PRKCA: variants seen among roughly 807,000 people sequenced by gnomAD.
PRKCA encodes protein kinase C alpha.
PRKCA carries 27 observed loss-of-function variants against 87.0 expected under a neutral mutation model. The observed-to-expected ratio is 0.31, with a 90% CI of 0.23 to 0.43. The LOEUF (loss-of-function observed/expected upper bound fraction) is 0.43, where lower values mean the gene tolerates loss of function less well. PRKCA is among the 20% of genes least tolerant of loss of function. The pLI is 1.00. For synonymous variants in PRKCA, 329 were observed against 311.1 expected (o/e 1.06, Z -0.61); for missense variants, 518 against 852.3 (o/e 0.61, Z 4.88).
At chr17:66,591,483 C>G (rs779770242) in intron 3 of PRKCA, among the ~76,000 whole-genome samples, 2 of 152,106 alleles carry the variant, frequency 1.3e-5, no homozygotes, top group Non-Finnish European at 2.9e-5. Context: ...TTAATACTTA[C>G]AAGGAAACTG....
rs1976091584 is a variant in PRKCA at position 66,808,512 on chromosome 17, G to GAC, written c.*4475_*4476insAC. ...CCTGTTTCTTTATAACCCGACAAGGGTAGGAGTGCCTGTTTCCCCTGCTGG... is the reference window on the plus strand; with the variant it reads ...CCTGTTTCTTTATAACCCGACAAGGGACTAGGAGTGCCTGTTTCCCCTGCTGG... On this transcript the variant is annotated 3_prime_UTR_variant, in exon 17 of 17. Transcript: ENST00000413366. 1 of 152,312 alleles carries GAC rather than the reference G, an allele frequency of 6.6e-6. No homozygotes were observed. Among genetic ancestry groups the GAC allele is most frequent in the Non-Finnish European group, 1.5e-5 (1 of 68,020 alleles). 9.4% of individuals were successfully genotyped at this position (152,312 alleles called of 1,614,324 possible). A position where few individuals can be genotyped will look rare whatever the true frequency, so the allele number is the denominator to read the frequency against.
chr17:66,641,077 G>C lies in PRKCA; in HGVS notation c.289-278G>C, dbSNP rs562913668. ...GGAGGCTGAGGCAGGACAATCGTTT[G>C]AACCCAGGAGGCGGAGGTTGCAGTG... On this transcript the variant is annotated intron_variant, in intron 3 of 16. Transcript: ENST00000413366. The C allele has an allele frequency of 5.2e-5, 18 of 345,906 alleles. No individual in the cohort carries two copies. In the South Asian group the frequency reaches 5.6e-4, roughly 11 times the overall value. The allele number at this position is 345,906 out of a possible 1,614,324, so 21.4% of individuals were successfully genotyped here.
chr17:66,496,234 A>C lies in PRKCA; in HGVS notation c.239A>C (p.Glu80Ala), dbSNP rs1567858622. ...CCFVVHKRCH[E>A]FVTFSCPGAD... ...TTTGTGGTCCACAAGAGGTGCCATG[A>C]ATTTGTTACTTTTTCTTGTCCGGGT... Residue 80 changes from glutamate (E) to alanine (A), a missense_variant, in exon 3 of 17, where the codon GAA becomes GCA. Physicochemically the swap from Glu to Ala is moderately radical, Grantham distance 107. This residue lies in a region of PRKCA where 300 missense variants were observed against 496.8 expected (regional missense o/e 0.60). Coordinates refer to ENST00000413366, the MANE Select transcript of PRKCA (RefSeq NM_002737.3). 6.2e-7 allele frequency: 1 copy of C among 1,614,052 alleles called. No homozygotes were observed.
intron 3 of PRKCA, among the ~76,000 whole-genome samples, chr17:66,592,695 A>G (rs911826256): frequency 5.3e-5 from 8 of 152,298 alleles, no homozygotes; most frequent in Non-Finnish European, 7.4e-5. Flanking sequence ...ACTGACTCCA[A>G]TCCTTTTGTT....
chr17:66,321,379 T>C (rs1905648188), intron 2 of PRKCA, among the ~76,000 whole-genome samples: 2 of 152,210 alleles, frequency 1.3e-5, no homozygotes, highest in African/African-American at 4.8e-5. Flanking sequence ...TGGACAGAAA[T>C]GACCACAGCT....
chr17:66,517,187 G>T (rs1966995489), intron 3 of PRKCA, among the ~76,000 whole-genome samples: 1 of 152,150 alleles, frequency 6.6e-6, no homozygotes, highest in South Asian at 2.1e-4. Flanking sequence ...GGGAGGCTGA[G>T]GCAGGAGAAT....
intron 2 of PRKCA, among the ~76,000 whole-genome samples, chr17:66,417,700 G>A (rs977989037): frequency 2.0e-5 from 3 of 152,102 alleles, no homozygotes; most frequent in African/African-American, 2.4e-5. Flanking sequence ...CCAGGCTCAC[G>A]TTTGGTCTTT....
chr17:66,499,157 T>TA (rs979586792), intron 3 of PRKCA, among the ~76,000 whole-genome samples: 7 of 151,796 alleles, frequency 4.6e-5, no homozygotes, highest in African/African-American at 1.7e-4. Flanking sequence ...GATTTTTTTT[T>TA]AATGCCTTGG....
At chr17:66,395,491 A>G (rs1910612089) in intron 2 of PRKCA, among the ~76,000 whole-genome samples, 1 of 152,146 alleles carries the variant, frequency 6.6e-6, no homozygotes, top group Non-Finnish European at 1.5e-5. Flanking sequence ...GATTAACCAC[A>G]TTTCACATAC....
At chr17:66,472,159 T>G (rs1915353592) in intron 2 of PRKCA, among the ~76,000 whole-genome samples, 1 of 152,150 alleles carries the variant, frequency 6.6e-6, no homozygotes, top group Non-Finnish European at 1.5e-5. Flanking sequence ...AGATGAAGTC[T>G]TGCTATGTTG....
At chr17:66,714,626 C>T (rs1441553348) in intron 8 of PRKCA, among the ~76,000 whole-genome samples, 1 of 152,248 alleles carries the variant, frequency 6.6e-6, no homozygotes, top group Non-Finnish European at 1.5e-5. Flanking sequence ...TGGCAGCAGC[C>T]ACCAGCCCCG....
intron 2 of PRKCA, among the ~76,000 whole-genome samples, chr17:66,374,719 CTT>C (rs35431248): frequency 2.6e-5 from 3 of 115,812 alleles, no homozygotes; most frequent in African/African-American, 3.3e-5. Context: ...GAGTTGCATT[CTT>C]TTTTTTTTTT....
intron 2 of PRKCA, among the ~76,000 whole-genome samples, chr17:66,337,203 T>C (rs562992601): frequency 1.1e-4 from 17 of 151,246 alleles, no homozygotes; most frequent in African/African-American, 3.6e-4. Context: ...GGCAGGGAGG[T>C]TACATGGGGA....
At chr17:66,500,102 C>T (rs558880411) in intron 3 of PRKCA, among the ~76,000 whole-genome samples, 1 of 152,262 alleles carries the variant, frequency 6.6e-6, no homozygotes, top group South Asian at 2.1e-4. Context: ...CCTCCATTTC[C>T]CCTTTTAGCC....
chr17:66,399,096 TTTTC>T (rs769087513), intron 2 of PRKCA, among the ~76,000 whole-genome samples: 5,629 of 126,122 alleles, frequency 0.045, 132 homozygotes, highest in Admixed American at 0.075. Context: ...TTTTCTTTTC[TTTTC>T]TTTTTTTTTT....
chr17:66,777,877 C>T, intron 14 of PRKCA: 1 of 985,416 alleles, frequency 1.0e-6, no homozygotes. Context: ...GTCCTCCTCC[C>T]TCCCGCAGCC....
chr17:66,797,676 T>C (rs1187325894), intron 16 of PRKCA, among the ~76,000 whole-genome samples: 5 of 152,214 alleles, frequency 3.3e-5, no homozygotes, highest in Non-Finnish European at 7.3e-5. Context: ...ATTGGGGCTC[T>C]TGATCTCTGG....
At chr17:66,309,818 GAGA>G (rs1905005637) in intron 2 of PRKCA, among the ~76,000 whole-genome samples, 6 of 152,140 alleles carry the variant, frequency 3.9e-5, no homozygotes, top group Admixed American at 3.9e-4. Context: ...TCAGAGAAAG[GAGA>G]AGAAGACAGG....
At chr17:66,502,158 C>T (rs228872) in intron 3 of PRKCA, among the ~76,000 whole-genome samples, 123,222 of 152,248 alleles carry the variant, frequency 0.81, 50,237 homozygotes, top group African/African-American at 0.9. Flanking sequence ...GTCTGGGGGC[C>T]TCCCATTATG....
Sources: gnomAD v4.1 joint callset for allele counts (sites outside exome capture counted in the v4.1 genomes callset) on GRCh38, gnomAD v4.1.1 for gene constraint, gnomAD v4.1.1 regional missense constraint, MANE v1.5 for transcripts, NCBI Gene and HGNC (gene_info 2026-07-23, HGNC 2026-07-21) for gene names.